Variants in MCTP2 observed in about 807,000 individuals in gnomAD.
MCTP2 encodes the protein multiple C2 and transmembrane domain-containing protein 2.
MCTP2 carries 132 observed loss-of-function variants against 111.6 expected under a neutral mutation model. The ratio of observed to expected loss-of-function variants is 1.18; its 90% CI spans 1.03 to 1.37. MCTP2 has a LOEUF of 1.37. MCTP2 is among the 40% of genes most tolerant of loss of function. The pLI is 0.00. For synonymous variants in MCTP2, 395 were observed against 387.7 expected, an observed-to-expected ratio of 1.02 and a Z score of -0.22; for missense variants, 1,183 against 1,067.9, an observed-to-expected ratio of 1.11 and a Z score of -1.50.
chr15:94,435,626 A>ATTTTTTTTTTTTTTT (rs1287049287), intron 17 of MCTP2, among the ~76,000 whole-genome samples: 3 of 132,246 alleles, frequency 2.3e-5, no homozygotes, highest in South Asian at 2.5e-4. Context: ...TACTTTTTTT[A>ATTTTTTTTTTTTTTT]TTCTTTTTTT....
At chr15:94,302,634 A>G (rs1282814395) in intron 2 of MCTP2, among the ~76,000 whole-genome samples, 2 of 152,200 alleles carry the variant, frequency 1.3e-5, no homozygotes, top group African/African-American at 4.8e-5. Context: ...CCTGGTTTCG[A>G]CTTGTTTTGA....
chr15:94,287,948 C>G (rs2074839409), intron 1 of MCTP2, among the ~76,000 whole-genome samples: 1 of 152,206 alleles, frequency 6.6e-6, no homozygotes, highest in Admixed American at 6.5e-5. Context: ...GGGAAATCCC[C>G]TACCTTGTGT....
At chr15:94,303,876 C>G (rs529412904) in intron 2 of MCTP2, among the ~76,000 whole-genome samples, 1 of 151,882 alleles carries the variant, frequency 6.6e-6, no homozygotes, top group South Asian at 2.1e-4. Flanking sequence ...CACTTTTACT[C>G]TGACTGAGCA....
intron 19 of MCTP2, among the ~76,000 whole-genome samples, chr15:94,453,405 G>C (rs1047200004): frequency 8.5e-5 from 13 of 152,202 alleles, no homozygotes; most frequent in African/African-American, 2.7e-4. Context: ...TCTTGCTTCA[G>C]GCAGTGGTAG....
intron 1 of MCTP2, among the ~76,000 whole-genome samples, chr15:94,245,270 A>C (rs1331079366): frequency 7.3e-6 from 1 of 136,908 alleles, no homozygotes; most frequent in African/African-American, 2.6e-5. Flanking sequence ...ACATATGTGT[A>C]TATACGTATA....
At chr15:94,464,054 TAGA>T (rs1244909588) in intron 20 of MCTP2, among the ~76,000 whole-genome samples, 2 of 151,264 alleles carry the variant, frequency 1.3e-5, no homozygotes, top group African/African-American at 4.8e-5. Flanking sequence ...TTCTTGTGGC[TAGA>T]AGTTTATTCT....
intron 21 of MCTP2, among the ~76,000 whole-genome samples, chr15:94,475,494 C>T (rs775937875): frequency 6.6e-6 from 1 of 152,146 alleles, no homozygotes; most frequent in Non-Finnish European, 1.5e-5. Flanking sequence ...AAAAATCAAA[C>T]CCTTTGTGTG....
chr15:94,360,501 C>A (rs1371080996), intron 10 of MCTP2, among the ~76,000 whole-genome samples: 1 of 152,172 alleles, frequency 6.6e-6, no homozygotes, highest in Non-Finnish European at 1.5e-5. Flanking sequence ...GAGCAAAGAT[C>A]AATTACGCAA....
At chr15:94,459,386 C>T (rs1476208183) in intron 20 of MCTP2, among the ~76,000 whole-genome samples, 1 of 152,100 alleles carries the variant, frequency 6.6e-6, no homozygotes, top group East Asian at 1.9e-4. Flanking sequence ...TATGTAAATA[C>T]TAATGTTTTC....
intron 1 of MCTP2, among the ~76,000 whole-genome samples, chr15:94,233,049 G>C (rs753577754): frequency 6.6e-6 from 1 of 152,098 alleles, no homozygotes; most frequent in African/African-American, 2.4e-5. Context: ...TGCAGAACTC[G>C]TACTTTTTCA....
rs756750781 is a variant in MCTP2, at chr15:94,400,003, G to A, written c.1965+8G>A. ...CGCAAGCTGTCCAAAAAGGTGGGTC[G>A]CTACAGTAGGTGGCTTGTTGATTGG... is the stretch of plus-strand genomic sequence containing the variant. On this transcript the variant is annotated splice_region_variant and intron_variant, in intron 16 of 22. Coordinates refer to ENST00000357742, the MANE Select transcript of MCTP2 (RefSeq NM_001385001.1). 8.7e-6 allele frequency: 14 copies of A among 1,613,408 alleles called. No individual in the cohort carries two copies. The highest frequency in any genetic ancestry group is 8.3e-5 in the Admixed American group (5 of 59,984).
chr15:94,448,909 C>T (rs766173291), intron 19 of MCTP2, among the ~76,000 whole-genome samples: 10 of 152,114 alleles, frequency 6.6e-5, no homozygotes, highest in South Asian at 2.1e-4. Flanking sequence ...GGCATGGTGG[C>T]GCACACCTGT....
intron 12 of MCTP2, among the ~76,000 whole-genome samples, chr15:94,380,557 C>T (rs1008184486): frequency 6.6e-6 from 1 of 152,114 alleles, no homozygotes; most frequent in African/African-American, 2.4e-5. Context: ...CACATGAGGT[C>T]AGGAATTTGA....
intron 17 of MCTP2, among the ~76,000 whole-genome samples, chr15:94,404,773 G>A (rs2081817262): frequency 6.6e-6 from 1 of 152,148 alleles, no homozygotes; most frequent in Non-Finnish European, 1.5e-5. Flanking sequence ...CCTGGCTGTA[G>A]TGCTGTGTCC....
chr15:94,317,506 T>A (rs2076424594), intron 4 of MCTP2, among the ~76,000 whole-genome samples: 1 of 152,216 alleles, frequency 6.6e-6, no homozygotes, highest in Non-Finnish European at 1.5e-5. Flanking sequence ...TTGCTCAGCC[T>A]CAAGGCATAG....
In MCTP2 at chr15:94,470,308, T is replaced by C. The variant is rs746991543; in HGVS notation, c.2361-25T>C. 4 of 1,474,144 alleles carry C rather than the reference T, an allele frequency of 2.7e-6. No individual in the cohort carries two copies. In the East Asian group the frequency reaches 6.8e-5, roughly 25 times the overall value. 91.3% of individuals were successfully genotyped at this position (1,474,144 alleles called of 1,614,324 possible). A position where few individuals can be genotyped will look rare whatever the true frequency, so the allele number is the denominator to read the frequency against. ...GGCAGTTGTTGAACATCAGAGGAAA[T>C]TATATTTATGTGGTTTGTCTACAGC... On this transcript the variant is annotated intron_variant, in intron 20 of 22. Coordinates refer to ENST00000357742, the MANE Select transcript of MCTP2 (RefSeq NM_001385001.1).
At chr15:94,450,408 G>C (rs967537176) in intron 19 of MCTP2, among the ~76,000 whole-genome samples, 13 of 152,218 alleles carry the variant, frequency 8.5e-5, no homozygotes, top group African/African-American at 3.1e-4. Context: ...TGCCTCATGG[G>C]AAGAATTTCT....
intron 1 of MCTP2, among the ~76,000 whole-genome samples, chr15:94,259,826 A>G (rs1302089824): frequency 6.6e-6 from 1 of 152,172 alleles, no homozygotes; most frequent in Non-Finnish European, 1.5e-5. Context: ...CCAGGTCTCT[A>G]CTGTAGGGAA....
chr15:94,379,846 GATAT>G (rs200722241), intron 12 of MCTP2, among the ~76,000 whole-genome samples: 3 of 133,262 alleles, frequency 2.3e-5, no homozygotes, highest in Admixed American at 1.5e-4. Context: ...AATTATATAT[GATAT>G]ATATATAATA....
Sources: allele counts gnomAD v4.1 joint callset (sites outside exome capture counted in the v4.1 genomes callset), GRCh38; gene constraint gnomAD v4.1.1; transcripts MANE v1.5; gene names NCBI Gene and HGNC (gene_info 2026-07-23, HGNC 2026-07-21).